The following TPX2 variants were observed in gnomAD, a reference collection of about 807,000 sequenced individuals.
TPX2 encodes TPX2 microtubule nucleation factor, also known as targeting protein for Xklp2.
In TPX2, 21 loss-of-function variants were observed where a neutral mutation model predicts 93.6. That is an observed-to-expected ratio of 0.22 (90% CI 0.16 to 0.32). The LOEUF (loss-of-function observed/expected upper bound fraction) is 0.32, where lower values mean the gene tolerates loss of function less well. Ranked by LOEUF, TPX2 falls within the 10% of genes least tolerant of loss-of-function variation. The pLI is 1.00. For synonymous variants in TPX2, 281 were observed against 298.3 expected (o/e 0.94, Z 0.60); for missense variants, 776 against 871.1 (o/e 0.89, Z 1.37).
intron 15 of TPX2, among the ~76,000 whole-genome samples, chr20:31,794,792 A>ATGTGTG (rs1568610103): frequency 9.5e-6 from 1 of 105,640 alleles, no homozygotes; most frequent in African/African-American, 3.9e-5. Context: ...GTGTGTGTGT[A>ATGTGTG]TGTGTGTGTG....
chr20:31,788,989 G>A (rs1414717500), intron 12 of TPX2, among the ~76,000 whole-genome samples: 1 of 152,064 alleles, frequency 6.6e-6, no homozygotes, highest in Admixed American at 6.6e-5. Context: ...CTGTCTTAGG[G>A]AGAGGTATTC....
intron 10 of TPX2, among the ~76,000 whole-genome samples, chr20:31,781,345 A>G (rs950724105): frequency 2.8e-5 from 4 of 143,552 alleles, no homozygotes; most frequent in Non-Finnish European, 4.5e-5. Context: ...GGCTCACTGC[A>G]TGCTCCGCCT....
intron 2 of TPX2, among the ~76,000 whole-genome samples, chr20:31,746,360 G>A (rs984249127): frequency 1.3e-5 from 2 of 152,074 alleles, no homozygotes; most frequent in African/African-American, 4.8e-5. Context: ...TTTCTCTCTG[G>A]GTAAGATGAA....
rs553334227 is a variant in TPX2 at position 31,770,397 on chromosome 20, T to C, written c.411T>C (p.His137=). ...QKDLEQKEKH[H]VKMKAKRCAT... The stretch of plus-strand genomic sequence containing the variant: ...ATTTGGAACAGAAAGAAAAGCATCA[T>C]GTAAAAATGAAAGCCAAGAGATGTG... Residue 137 remains histidine (H), a synonymous_variant, in exon 6 of 18, where the codon CAT becomes CAC. Transcript: ENST00000300403. The C allele has an allele frequency of 2.5e-6, 4 of 1,606,672 alleles. No homozygotes were observed. In the South Asian group the frequency reaches 3.3e-5, roughly 13 times the overall value.
chr20:31,777,816 G>A lies in TPX2; in HGVS notation c.882+178G>A, dbSNP rs184165710. ...TTTGAGATGGAGTTTCACTTTTGTC[G>A]CCCAGGCTGGAGTGCAATGGCACGA... On this transcript the variant is annotated intron_variant, in intron 9 of 17. Transcript: ENST00000300403. Among the ~76,000 whole-genome samples, 16 of 148,120 alleles carry A rather than the reference G, an allele frequency of 1.1e-4. No homozygotes were observed. In the East Asian group the frequency reaches 2.3e-3, roughly 22 times the overall value.
intron 5 of TPX2, among the ~76,000 whole-genome samples, chr20:31,769,318 CT>C (rs143158722): frequency 0.38 from 45,705 of 121,518 alleles, 8,970 homozygotes; most frequent in African/African-American, 0.64. Flanking sequence ...AATGATCACG[CT>C]TTTTTTTTTT....
chr20:31,743,345 C>G (rs911024315), intron 2 of TPX2, among the ~76,000 whole-genome samples: 1 of 151,956 alleles, frequency 6.6e-6, no homozygotes. Flanking sequence ...AATGTAAATG[C>G]TATGTAAATA....
At chr20:31,773,296 C>T (rs907115786) in intron 7 of TPX2, among the ~76,000 whole-genome samples, 1 of 151,976 alleles carries the variant, frequency 6.6e-6, no homozygotes, top group South Asian at 2.1e-4. Flanking sequence ...GGATTACAGG[C>T]ACCTGCCACC....
intron 2 of TPX2, among the ~76,000 whole-genome samples, chr20:31,749,909 A>G (rs1043767556): frequency 6.6e-6 from 1 of 151,920 alleles, no homozygotes; most frequent in Non-Finnish European, 1.5e-5. Flanking sequence ...TAGAAATCTT[A>G]TTATTTGTTT....
At chr20:31,748,512 C>T (rs1600352850) in intron 2 of TPX2, among the ~76,000 whole-genome samples, 1 of 152,270 alleles carries the variant, frequency 6.6e-6, no homozygotes, top group South Asian at 2.1e-4. Context: ...TTGTAATTTG[C>T]TAAAGTTTTC....
intron 3 of TPX2, among the ~76,000 whole-genome samples, chr20:31,757,917 A>G (rs573482465): frequency 5.5e-4 from 83 of 152,280 alleles, no homozygotes; most frequent in African/African-American, 1.9e-3. Context: ...TTTGTCTACT[A>G]TCATTAGGGA....
chr20:31,756,962 G>GTT (rs1361141109), intron 2 of TPX2, among the ~76,000 whole-genome samples: 1 of 151,786 alleles, frequency 6.6e-6, no homozygotes, highest in Admixed American at 6.6e-5. Flanking sequence ...TTTCTTTTTG[G>GTT]TTTTTCTTTA....
At chr20:31,744,786 A>T (rs762450401) in intron 2 of TPX2, among the ~76,000 whole-genome samples, 2 of 152,188 alleles carry the variant, frequency 1.3e-5, no homozygotes, top group East Asian at 3.8e-4. Flanking sequence ...TTGCTGGTCT[A>T]AAAGAATGCG....
chr20:31,776,048 G>GTTT (rs1568592364), intron 8 of TPX2, 60 bp downstream of exon 8: 3 of 328,066 alleles, frequency 9.1e-6, no homozygotes, highest in South Asian at 1.3e-4. Context: ...CTCTTGGTAG[G>GTTT]TGTTTTTTTT....
At position 31,773,138 on chromosome 20, in the gene TPX2, G is replaced by A. The variant is rs924177859; in HGVS notation, c.608+1456G>A. ...ATTATAGGCATGCATCACCACACCCGGCTAATTTTTTTTTTTTTTTTTTTT... is the reference window on the plus strand; with the variant it reads ...ATTATAGGCATGCATCACCACACCCAGCTAATTTTTTTTTTTTTTTTTTTT... On this transcript the variant is annotated intron_variant, in intron 7 of 17. Coordinates refer to ENST00000300403, the MANE Select transcript of TPX2 (RefSeq NM_012112.5). Among the ~76,000 whole-genome samples, 28 of 147,086 alleles carry A rather than the reference G, an allele frequency of 1.9e-4. No individual in the cohort carries two copies. The South Asian group carries it at 4.9e-3, about 26-fold the overall frequency.
intron 6 of TPX2, among the ~76,000 whole-genome samples, chr20:31,770,947 T>G (rs1349440996): frequency 6.6e-6 from 1 of 151,974 alleles, no homozygotes; most frequent in Non-Finnish European, 1.5e-5. Context: ...TGCTCTGTGT[T>G]TCTTAGATTT....
chr20:31,789,933 A>G (rs2062089768), intron 12 of TPX2, among the ~76,000 whole-genome samples: 1 of 152,180 alleles, frequency 6.6e-6, no homozygotes, highest in African/African-American at 2.4e-5. Flanking sequence ...ACTTATTTCA[A>G]TTACTTTATT....
At chr20:31,750,212 C>T (rs1014448504) in intron 2 of TPX2, among the ~76,000 whole-genome samples, 11 of 151,454 alleles carry the variant, frequency 7.3e-5, no homozygotes, top group South Asian at 2.1e-4. Context: ...GGCTGGAGTG[C>T]GATGGTGCGA....
At chr20:31,781,384 G>A (rs917524132) in intron 10 of TPX2, among the ~76,000 whole-genome samples, 1 of 150,202 alleles carries the variant, frequency 6.7e-6, no homozygotes, top group Non-Finnish European at 1.5e-5. Flanking sequence ...TCCTGCCTCA[G>A]CCTCCCGAGT....
Sources: allele counts gnomAD v4.1 joint callset (sites outside exome capture counted in the v4.1 genomes callset), GRCh38; gene constraint gnomAD v4.1.1; transcripts MANE v1.5; gene names NCBI Gene and HGNC (gene_info 2026-07-23, HGNC 2026-07-21).